Variants in FARP2 observed in about 807,000 individuals in gnomAD.
FARP2 encodes the protein FERM, ARH/RhoGEF and pleckstrin domain protein 2.
FARP2 carries 111 observed loss-of-function variants against 130.5 expected under a neutral mutation model. The ratio of observed to expected loss-of-function variants is 0.85; its 90% CI spans 0.73 to 1.00. The LOEUF is 1.00. Ranked by LOEUF, FARP2 falls within the 50% of genes least tolerant of loss-of-function variation. The pLI, the probability that FARP2 is intolerant of heterozygous loss-of-function variation, is 0.00. For missense variants in FARP2, 1,385 were observed against 1,346.3 expected, an observed-to-expected ratio of 1.03 and a Z score of -0.45; for synonymous variants, 504 against 516.9, an observed-to-expected ratio of 0.98 and a Z score of 0.34.
chr2:241,466,701 A>AC, intron 17 of FARP2: 2 of 358,306 alleles, frequency 5.6e-6, no homozygotes, highest in Non-Finnish European at 6.1e-6. Context: ...CCCCCCCCCC[A>AC]CCACCACCAC....
intron 2 of FARP2, among the ~76,000 whole-genome samples, chr2:241,399,106 G>A (rs2062098715): frequency 6.6e-6 from 1 of 152,112 alleles, no homozygotes; most frequent in South Asian, 2.1e-4. Context: ...AGGGTCTAGT[G>A]GTATCTTATT....
At chr2:241,423,124 T>C (rs1179787172) in intron 8 of FARP2, among the ~76,000 whole-genome samples, 1 of 152,146 alleles carries the variant, frequency 6.6e-6, no homozygotes, top group Admixed American at 6.6e-5. Flanking sequence ...CCCAGTAAGA[T>C]ACTCCACAAG....
chr2:241,369,437 A>G (rs1255147502), intron 1 of FARP2, among the ~76,000 whole-genome samples: 1 of 152,018 alleles, frequency 6.6e-6, no homozygotes, highest in African/African-American at 2.4e-5. Context: ...CCTCTCTCCC[A>G]TCAAGAAGGG....
At chr2:241,396,249 A>G (rs1364238634) in intron 2 of FARP2, among the ~76,000 whole-genome samples, 2 of 152,220 alleles carry the variant, frequency 1.3e-5, no homozygotes, top group Non-Finnish European at 2.9e-5. Context: ...AAACCTAGGC[A>G]TTACCATTCA....
rs762573248 is a variant in FARP2, at chr2:241,491,066, G to A, written c.2510G>A (p.Arg837Gln). The A allele has an allele frequency of 8.1e-6, 13 of 1,612,744 alleles. No individual in the cohort carries two copies. Among genetic ancestry groups the A allele is most frequent in the Middle Eastern group, 1.6e-4 (1 of 6,074 alleles). The change falls in exon 23 of 27, where the codon CGG (arginine) becomes CAG (glutamine). Residue 837 changes from arginine (R) to glutamine (Q), a missense_variant. Physicochemically the swap from Arg to Gln is conservative, Grantham distance 43. Transcript: ENST00000264042. ...QKTIVVAASTRLEKEKWMLDL... is the reference protein window; with the variant it reads ...QKTIVVAASTQLEKEKWMLDL... Reference sequence around the variant, plus strand: ...CCTTGCCCTTCTCCCTGCAGCACTCGGCTGGAGAAAGAGAAGTGGATGCTG... The same window carrying A: ...CCTTGCCCTTCTCCCTGCAGCACTCAGCTGGAGAAAGAGAAGTGGATGCTG...
intron 4 of FARP2, among the ~76,000 whole-genome samples, chr2:241,405,805 A>AGG (rs2062320452): frequency 6.6e-6 from 1 of 152,102 alleles, no homozygotes; most frequent in African/African-American, 2.4e-5. Context: ...GTGATGGCGC[A>AGG]TGCCTATAAT....
intron 2 of FARP2, among the ~76,000 whole-genome samples, chr2:241,397,285 GTAAC>G (rs1401901708): frequency 3.9e-5 from 6 of 152,200 alleles, no homozygotes; most frequent in African/African-American, 1.4e-4. Context: ...GTATACATAT[GTAAC>G]TAACCTGCAC....
At chr2:241,449,737 G>A (rs1025795648) in intron 13 of FARP2, among the ~76,000 whole-genome samples, 8 of 152,168 alleles carry the variant, frequency 5.3e-5, no homozygotes, top group African/African-American at 1.4e-4. Context: ...AGTGGCTCCC[G>A]CCTGTAATCC....
At chr2:241,443,185 TCA>T (rs2063432767) in intron 13 of FARP2, 1 of 196,782 alleles carries the variant, frequency 5.1e-6, no homozygotes, top group Non-Finnish European at 1.0e-5. Flanking sequence ...GGGGGGACAG[TCA>T]TCCATTGCAC....
chr2:241,373,557 A>C (rs1459410759), intron 2 of FARP2, among the ~76,000 whole-genome samples: 2 of 152,224 alleles, frequency 1.3e-5, no homozygotes, highest in African/African-American at 4.8e-5. Context: ...GACTGCTGGA[A>C]GGTGCAGACT....
At chr2:241,443,105 G>C in intron 13 of FARP2, 6 of 261,590 alleles carry the variant, frequency 2.3e-5, no homozygotes, top group Admixed American at 4.6e-5. Flanking sequence ...TAAGGCCCCC[G>C]TAGACATTAG....
chr2:241,380,731 A>C (rs2061641742), intron 2 of FARP2, among the ~76,000 whole-genome samples: 1 of 151,168 alleles, frequency 6.6e-6, no homozygotes, highest in East Asian at 1.9e-4. Context: ...GGGATGCTCA[A>C]CCCATACTAT....
chr2:241,372,120 G>A (rs1364657512), intron 1 of FARP2, among the ~76,000 whole-genome samples: 1 of 152,080 alleles, frequency 6.6e-6, no homozygotes, highest in Admixed American at 6.5e-5. Flanking sequence ...CAGCTTGCAA[G>A]CAGAGACCTT....
At chr2:241,397,444 G>T (rs1181055231) in intron 2 of FARP2, among the ~76,000 whole-genome samples, 1 of 152,110 alleles carries the variant, frequency 6.6e-6, no homozygotes, top group African/African-American at 2.4e-5. Context: ...AACTTAACTT[G>T]CATACAGTGA....
intron 13 of FARP2, chr2:241,442,942 A>G (rs934310629): frequency 1.5e-5 from 3 of 200,402 alleles, no homozygotes; most frequent in Non-Finnish European, 3.1e-5. Context: ...CCTGTTGCCT[A>G]TAATTAACTA....
rs57878067 is a variant in FARP2, at chr2:241,360,673, C to CAAA, written c.-25+4300_-25+4302dup. Reference sequence around the variant, plus strand: ...TGGGTGACAGAGCGAGACTCTGTCTCAAAAAAAAAAAAAAAAAGTGAATAT... The same window carrying CAAA: ...TGGGTGACAGAGCGAGACTCTGTCTCAAAAAAAAAAAAAAAAAAAAGTGAATAT... On this transcript the variant is annotated intron_variant, in intron 1 of 26. Transcript: ENST00000264042. Among the ~76,000 whole-genome samples the CAAA allele has an allele frequency of 1.2e-3, 106 of 91,870 alleles. 1 individual carries two copies. Among genetic ancestry groups the CAAA allele is most frequent in the African/African-American group, 4.0e-3 (95 of 23,612 alleles). 60.3% of individuals were successfully genotyped at this position (91,870 alleles called of 152,430 possible). A position where few individuals can be genotyped will look rare whatever the true frequency, so the allele number is the denominator to read the frequency against.
intron 2 of FARP2, among the ~76,000 whole-genome samples, chr2:241,392,062 C>G (rs2061918611): frequency 6.6e-6 from 1 of 152,238 alleles, no homozygotes; most frequent in Non-Finnish European, 1.5e-5. Flanking sequence ...AAGAGGCCTT[C>G]TCTCGCAAGG....
chr2:241,360,673 C>CA (rs57878067), intron 1 of FARP2, among the ~76,000 whole-genome samples: 24,138 of 91,612 alleles, frequency 0.26, 2,808 homozygotes, highest in East Asian at 0.59. Flanking sequence ...GACTCTGTCT[C>CA]AAAAAAAAAA....
chr2:241,463,340 C>T lies in FARP2; in HGVS notation c.1683C>T (p.Phe561=), dbSNP rs1239841366. The T allele has an allele frequency of 1.2e-6, 2 of 1,613,824 alleles. No individual in the cohort carries two copies. Among genetic ancestry groups the T allele is most frequent in the African/African-American group, 2.7e-5 (2 of 74,922 alleles). ...ACACCACACTCTTCCCACAGTGGTT[C>T]CGCAGCGCAGTGGTGAAGGAGGACG... ...LKDLEVITVW[F]RSAVVKEDAM... The change falls in exon 16 of 27, where the codon TTC becomes TTT. Residue 561 remains phenylalanine (F), a synonymous_variant. Transcript: ENST00000264042.
Sources: allele counts gnomAD v4.1 joint callset (sites outside exome capture counted in the v4.1 genomes callset), GRCh38; gene constraint gnomAD v4.1.1; transcripts MANE v1.5; gene names NCBI Gene and HGNC (gene_info 2026-07-23, HGNC 2026-07-21).